The following TUT4 variants were observed in gnomAD, a reference collection of about 807,000 sequenced individuals.
TUT4 encodes terminal uridylyl transferase 4.
TUT4 carries 36 observed loss-of-function variants against 192.2 expected under a neutral mutation model. That is an observed-to-expected ratio of 0.19 (90% confidence interval 0.14 to 0.25). The LOEUF (loss-of-function observed/expected upper bound fraction) is 0.25, where lower values mean the gene tolerates loss of function less well. TUT4 is among the 10% of genes least tolerant of loss of function. The pLI is 1.00. For synonymous variants in TUT4, 618 were observed against 666.0 expected (o/e 0.93, Z 1.11); for missense variants, 1,493 against 1,957.2 (o/e 0.76, Z 4.47).
rs189001318 is a variant in TUT4 at position 52,465,384 on chromosome 1, A to G, written c.2966-211T>C. On this transcript the variant is annotated intron_variant, in intron 15 of 29. Coordinates refer to ENST00000257177, the MANE Select transcript of TUT4 (RefSeq NM_001009881.3). ...CCCATGTACCCAACTGCTTTTTCCAATTTTCCACAGACATCATACATTCAA... is the reference window on the plus strand; with the variant it reads ...CCCATGTACCCAACTGCTTTTTCCAGTTTTCCACAGACATCATACATTCAA... Among the ~76,000 whole-genome samples, 22 of 152,222 alleles carry G rather than the reference A, an allele frequency of 1.4e-4. No homozygotes were observed. In the South Asian group the frequency reaches 2.7e-3, roughly 19 times the overall value.
intron 19 of TUT4, among the ~76,000 whole-genome samples, chr1:52,459,012 C>T (rs1358600882): frequency 6.6e-6 from 1 of 151,848 alleles, no homozygotes; most frequent in Non-Finnish European, 1.5e-5. Flanking sequence ...GGTATGCAAC[C>T]ATTAAAAAAA....
At chr1:52,553,295 CCCTT>C (rs200263495), upstream of TUT4, 9,779 of 149,510 alleles carry the variant, frequency 0.065, 399 homozygotes, top group African/African-American at 0.11. Context: ...GGTGCCCCCT[CCCTT>C]CGTTCGGGGG....
Position 52,475,437 on chromosome 1 carries a change from C to A in TUT4, c.2122G>T (p.Ala708Ser). The A allele has an allele frequency of 1.2e-6, 2 of 1,614,088 alleles. No individual in the cohort carries two copies. The highest frequency in any genetic ancestry group is 8.5e-7 in the Non-Finnish European group (1 of 1,180,024). Residue 708 changes from alanine to serine, a missense_variant, in exon 13 of 30, where the codon GCC becomes TCC. Ala to Ser is a moderately conservative substitution (Grantham distance 99). Around this residue, in one of 7 missense-constraint regions of TUT4, gnomAD observed 437 missense variants for 577.6 expected, o/e 0.76. Transcript: ENST00000257177. ...TTTCCACCCTTCGTCTGAGGACAGG[C>A]AAAATACCGATAAGCTGCCCTAAAT... ...ERFRAAYRYF[A>S]CPQTKGGNKS...
rs1317334426 is a variant in TUT4, at chr1:52,477,774, C to T, written c.1957G>A (p.Val653Ile). 11 of 1,613,790 alleles carry T rather than the reference C, an allele frequency of 6.8e-6. No individual in the cohort carries two copies. The highest frequency in any genetic ancestry group is 2.7e-5 in the African/African-American group (2 of 74,882). Residue 653 changes from valine to isoleucine, a missense_variant, in exon 12 of 30, where the codon GTA becomes ATA. Physicochemically the swap from Val to Ile is conservative, Grantham distance 29. Coordinates refer to ENST00000257177, the MANE Select transcript of TUT4 (RefSeq NM_001009881.3). Reference sequence around the variant, plus strand: ...CTTGTTAAAATATCTTGTATCCGTACACATATGACATATTCCTCCAAAGCA... The same window carrying T: ...CTTGTTAAAATATCTTGTATCCGTATACATATGACATATTCCTCCAAAGCA... ...DFALEEYVICVRIQDILTREN... is the reference protein window; with the variant it reads ...DFALEEYVICIRIQDILTREN...
chr1:52,502,108 TTA>T (rs1217272571), intron 4 of TUT4, among the ~76,000 whole-genome samples: 5 of 151,552 alleles, frequency 3.3e-5, no homozygotes, highest in African/African-American at 1.2e-4. Context: ...ATGGTAAATT[TTA>T]TCTTATATAT....
intron 2 of TUT4, among the ~76,000 whole-genome samples, chr1:52,516,907 G>A (rs926690317): frequency 6.6e-6 from 1 of 151,892 alleles, no homozygotes; most frequent in African/African-American, 2.4e-5. Context: ...AGGCTTCTCT[G>A]AGGAGTTATC....
chr1:52,546,764 C>T (rs940573816), intron 1 of TUT4, among the ~76,000 whole-genome samples: 1 of 152,144 alleles, frequency 6.6e-6, no homozygotes, highest in Non-Finnish European at 1.5e-5. Context: ...CACTTTATCA[C>T]AATTTTTAGA....
intron 15 of TUT4, among the ~76,000 whole-genome samples, chr1:52,465,445 ACTATTT>A (rs1196397006): frequency 6.6e-6 from 1 of 152,192 alleles, no homozygotes; most frequent in African/African-American, 2.4e-5. Flanking sequence ...CAAATCTATT[ACTATTT>A]CTATTATCCC....
At chr1:52,428,810 A>C (rs1486638659) in intron 28 of TUT4, among the ~76,000 whole-genome samples, 5 of 151,992 alleles carry the variant, frequency 3.3e-5, no homozygotes, top group African/African-American at 1.2e-4. Context: ...ACTTTTTTAG[A>C]TAAACAGGAA....
intron 2 of TUT4, among the ~76,000 whole-genome samples, chr1:52,521,147 TAGA>T (rs1346015241): frequency 6.6e-6 from 1 of 152,174 alleles, no homozygotes; most frequent in Non-Finnish European, 1.5e-5. Context: ...TTCATCCCAC[TAGA>T]AGATTAACTC....
At chr1:52,460,477 A>T (rs945836987) in intron 19 of TUT4, among the ~76,000 whole-genome samples, 6 of 152,070 alleles carry the variant, frequency 3.9e-5, no homozygotes, top group African/African-American at 1.5e-4. Context: ...GTGAGACTCC[A>T]TCTCAACAAC....
At chr1:52,524,440 C>A (rs889689046) in intron 2 of TUT4, among the ~76,000 whole-genome samples, 1 of 151,662 alleles carries the variant, frequency 6.6e-6, no homozygotes, top group Non-Finnish European at 1.5e-5. Flanking sequence ...AGGAGAATGG[C>A]GTGAACCCGG....
chr1:52,532,441 C>T (rs1683734664), intron 1 of TUT4, among the ~76,000 whole-genome samples: 1 of 151,880 alleles, frequency 6.6e-6, no homozygotes, highest in Non-Finnish European at 1.5e-5. Flanking sequence ...AGCCTCCCAC[C>T]TCAGCCTCAC....
chr1:52,460,625 T>C (rs1232592185), intron 19 of TUT4, among the ~76,000 whole-genome samples: 1 of 152,202 alleles, frequency 6.6e-6, no homozygotes, highest in Non-Finnish European at 1.5e-5. Context: ...ACTGAGCAGC[T>C]ACCACAAAGC....
chr1:52,449,492 G>C lies in TUT4; in HGVS notation c.3436-2825C>G, dbSNP rs1447003144. On this transcript the variant is annotated intron_variant, in intron 20 of 29. Transcript: ENST00000257177. Reference sequence around the variant, plus strand: ...TTTTGTATTTTTTAGTAGAGATGAGGTTTTGCCATATTGGCCAGGCTGGTC... The same window carrying C: ...TTTTGTATTTTTTAGTAGAGATGAGCTTTTGCCATATTGGCCAGGCTGGTC... Among the ~76,000 whole-genome samples the C allele has an allele frequency of 2.6e-5, 4 of 152,052 alleles. No homozygotes were observed. In the East Asian group the frequency reaches 5.8e-4, roughly 22 times the overall value.
chr1:52,506,949 C>A (rs1675758526), intron 4 of TUT4, among the ~76,000 whole-genome samples: 1 of 152,120 alleles, frequency 6.6e-6, no homozygotes. Context: ...TACTTGGAAA[C>A]CATTTATCAT....
At chr1:52,509,540 C>A in intron 4 of TUT4, 56 bp downstream of exon 4, 1 of 987,454 alleles carries the variant, frequency 1.0e-6, no homozygotes, top group South Asian at 1.5e-5. Flanking sequence ...AAAAAATATT[C>A]AATATGGTTT....
chr1:52,505,732 T>A (rs1020255089), intron 4 of TUT4, among the ~76,000 whole-genome samples: 1 of 151,958 alleles, frequency 6.6e-6, no homozygotes, highest in Non-Finnish European at 1.5e-5. Flanking sequence ...GTGCTTAGAC[T>A]TTTTATCAAA....
At chr1:52,542,069 T>C (rs1379073479) in intron 1 of TUT4, among the ~76,000 whole-genome samples, 2 of 152,152 alleles carry the variant, frequency 1.3e-5, no homozygotes, top group East Asian at 3.8e-4. Flanking sequence ...TTTGAAGACA[T>C]TATGCTATAT....
Sources: gnomAD v4.1 joint callset for allele counts (sites outside exome capture counted in the v4.1 genomes callset) on GRCh38, gnomAD v4.1.1 for gene constraint, gnomAD v4.1.1 regional missense constraint, MANE v1.5 for transcripts, NCBI Gene and HGNC (gene_info 2026-07-23, HGNC 2026-07-21) for gene names.